The following SUSD1 variants were observed in gnomAD, a reference collection of about 807,000 sequenced individuals.
SUSD1 encodes sushi domain-containing protein 1.
In SUSD1, 65 loss-of-function variants were observed where a neutral mutation model predicts 86.9. That is an observed-to-expected ratio of 0.75 (90% CI 0.61 to 0.92). The LOEUF is 0.92. SUSD1 is among the 40% of genes least tolerant of loss of function. SUSD1 has a pLI of 0.00. For synonymous variants in SUSD1, 346 were observed against 350.0 expected (o/e 0.99, Z 0.13); for missense variants, 850 against 929.7 (o/e 0.91, Z 1.11).
chr9:112,163,157 T>G (rs893280249), intron 1 of SUSD1, among the ~76,000 whole-genome samples: 1 of 152,198 alleles, frequency 6.6e-6, no homozygotes, highest in East Asian at 1.9e-4. Context: ...TTTGTTTGTT[T>G]GTTTGTTGAG....
At chr9:112,086,108 A>G (rs909251582) in intron 10 of SUSD1, among the ~76,000 whole-genome samples, 8 of 151,700 alleles carry the variant, frequency 5.3e-5, no homozygotes, top group Admixed American at 5.2e-4. Flanking sequence ...GTTTCAGACC[A>G]GCCTTGGCAA....
chr9:112,115,016 G>A (rs895347646), intron 6 of SUSD1, among the ~76,000 whole-genome samples: 2 of 152,128 alleles, frequency 1.3e-5, no homozygotes, highest in Non-Finnish European at 2.9e-5. Context: ...ATTCTCTACT[G>A]CATAATAAAT....
Position 112,175,047 on chromosome 9 carries a change from G to A in SUSD1, c.103+86C>T, listed in dbSNP as rs1834214377. 1.0e-6 allele frequency: 1 copy of A among 959,998 alleles called. No individual in the cohort carries two copies. The highest frequency in any genetic ancestry group is 1.2e-6 in the Non-Finnish European group (1 of 805,276). 59.5% of individuals were successfully genotyped at this position (959,998 alleles called of 1,614,324 possible). ...GGCACCGCGCCGGCCCGGCCCAGGGGCGGGGAAGCGTCCGTGCGCCCAGAG... is the reference window on the plus strand; with the variant it reads ...GGCACCGCGCCGGCCCGGCCCAGGGACGGGGAAGCGTCCGTGCGCCCAGAG... On this transcript the variant is annotated intron_variant, in intron 1 of 16. Coordinates refer to ENST00000374270, the MANE Select transcript of SUSD1 (RefSeq NM_022486.5). This position sits in a 1 kb window ranked among gnomAD's most constrained non-coding sequence, Gnocchi z 4.7.
Position 112,111,561 on chromosome 9 carries a change from G to T in SUSD1, c.1171+93C>A, listed in dbSNP as rs1236916243. 1.4e-5 allele frequency: 20 copies of T among 1,478,774 alleles called. 1 individual carries two copies. In the South Asian group the frequency reaches 2.3e-4, roughly 17 times the overall value. The allele number at this position is 1,478,774 out of a possible 1,614,324, so 91.6% of individuals were successfully genotyped here. ...GAGTATAAATCTCAGACAGCAAATA[G>T]GAGCTCTCCAGCCCAGCTGATTCTG... On this transcript the variant is annotated intron_variant, in intron 8 of 16. Coordinates refer to ENST00000374270, the MANE Select transcript of SUSD1 (RefSeq NM_022486.5).
intron 13 of SUSD1, among the ~76,000 whole-genome samples, chr9:112,059,324 T>C (rs1227046251): frequency 6.6e-6 from 1 of 152,208 alleles, no homozygotes; most frequent in Non-Finnish European, 1.5e-5. Context: ...CTGCCCTGTG[T>C]GTGTGTCATA....
At chr9:112,078,915 G>A (rs1239842960) in intron 11 of SUSD1, among the ~76,000 whole-genome samples, 191 bp from the exon 12 acceptor site, 1 of 148,144 alleles carries the variant, frequency 6.8e-6, no homozygotes, top group Non-Finnish European at 1.5e-5. Context: ...CCAGGCTCAA[G>A]TGATCCTCCC....
intron 15 of SUSD1, 91 bp from the exon 16 acceptor site, chr9:112,042,051 C>T (rs1157275762): frequency 1.3e-6 from 2 of 1,562,136 alleles, no homozygotes; most frequent in South Asian, 1.2e-5. Flanking sequence ...TCCATTTTAA[C>T]CCAGAGCTTG....
At chr9:112,081,962 C>T (rs768306319) in intron 10 of SUSD1, among the ~76,000 whole-genome samples, 11 of 152,096 alleles carry the variant, frequency 7.2e-5, no homozygotes, top group Non-Finnish European at 1.0e-4. Flanking sequence ...TTGACAGAAA[C>T]GCCTTAGTTT....
chr9:112,138,246 T>TGTATATACAC (rs1832377666), intron 5 of SUSD1, among the ~76,000 whole-genome samples: 1 of 114,606 alleles, frequency 8.7e-6, no homozygotes, highest in African/African-American at 3.6e-5. Flanking sequence ...TGTATATATA[T>TGTATATACAC]ATATATATAT....
intron 1 of SUSD1, among the ~76,000 whole-genome samples, chr9:112,170,735 A>AGAGAGC (rs1834012057): frequency 1.3e-5 from 2 of 151,006 alleles, no homozygotes; most frequent in Non-Finnish European, 2.9e-5. Flanking sequence ...AGAGAGAGAG[A>AGAGAGC]GCCTTGCTCT....
chr9:112,078,353 A>G (rs951991436), intron 12 of SUSD1, among the ~76,000 whole-genome samples, 185 bp downstream of exon 12: 2 of 152,228 alleles, frequency 1.3e-5, no homozygotes, highest in African/African-American at 4.8e-5. Context: ...CAAAAAAAGA[A>G]AAAAGAATGA....
intron 1 of SUSD1, among the ~76,000 whole-genome samples, chr9:112,170,938 C>G (rs970824277): frequency 1.2e-4 from 18 of 152,098 alleles, no homozygotes; most frequent in Admixed American, 6.6e-4. Context: ...GTCTCGAACT[C>G]CTGACCCCAA....
intron 6 of SUSD1, 90 bp from the exon 7 acceptor site, chr9:112,112,958 A>G (rs1831168117): frequency 1.3e-6 from 1 of 759,674 alleles, no homozygotes; most frequent in East Asian, 2.7e-5. Flanking sequence ...CATAGCTGGT[A>G]TCTCTGCTGG....
intron 5 of SUSD1, among the ~76,000 whole-genome samples, chr9:112,128,845 A>T (rs34007077): frequency 2.6e-5 from 4 of 152,210 alleles, no homozygotes; most frequent in African/African-American, 9.6e-5. Flanking sequence ...AGCAACCTGC[A>T]TGGCAGGAGC....
intron 14 of SUSD1, among the ~76,000 whole-genome samples, chr9:112,056,828 T>C (rs1458089892): frequency 1.3e-5 from 2 of 152,052 alleles, no homozygotes; most frequent in Non-Finnish European, 2.9e-5. Context: ...AGAAATCTCC[T>C]GCCTCAGCCT....
At chr9:112,046,164 A>C (rs1423762902) in intron 15 of SUSD1, among the ~76,000 whole-genome samples, 2 of 152,228 alleles carry the variant, frequency 1.3e-5, no homozygotes, top group Non-Finnish European at 2.9e-5. Context: ...AGTCAATCTA[A>C]TCAAGAGTGC....
chr9:112,097,016 T>C (rs1270729850), intron 10 of SUSD1, among the ~76,000 whole-genome samples: 2 of 115,310 alleles, frequency 1.7e-5, no homozygotes, highest in Non-Finnish European at 3.6e-5. Context: ...AGGCTCAATC[T>C]GATAAAAAAA....
intron 8 of SUSD1, among the ~76,000 whole-genome samples, chr9:112,108,570 A>T (rs1284519161): frequency 2.0e-5 from 3 of 152,012 alleles, no homozygotes; most frequent in Non-Finnish European, 2.9e-5. Context: ...TTGAGCCCAG[A>T]AGTTCAAGAC....
intron 2 of SUSD1, among the ~76,000 whole-genome samples, chr9:112,155,592 G>T (rs1014238463): frequency 5.9e-5 from 9 of 151,778 alleles, no homozygotes; most frequent in East Asian, 3.9e-4. Flanking sequence ...ATTTTTTTTT[G>T]GTTTTTTTGT....
Sources: gnomAD v4.1 joint callset for allele counts (sites outside exome capture counted in the v4.1 genomes callset) on GRCh38, gnomAD v4.1.1 for gene constraint, Gnocchi (gnomAD v3.1) non-coding constraint, MANE v1.5 for transcripts, NCBI Gene and HGNC (gene_info 2026-07-23, HGNC 2026-07-21) for gene names.